ZNF331: variants seen among roughly 807,000 people sequenced by gnomAD.
ZNF331 encodes zinc finger protein 331, also known as C2H2-like zinc finger protein rearranged in thyroid adenomas.
A neutral mutation model predicts 7.0 loss-of-function variants in ZNF331; 2 were observed. That is an observed-to-expected ratio of 0.29 (90% CI 0.12 to 0.90). The LOEUF (loss-of-function observed/expected upper bound fraction) is 0.90. Ranked by LOEUF, ZNF331 falls within the 40% of genes least tolerant of loss-of-function variation. The pLI is 0.58. For synonymous variants in ZNF331, 196 were observed against 205.4 expected (o/e 0.95, Z 0.39); for missense variants, 432 against 587.7 (o/e 0.74, Z 2.74).
chr19:53,561,356 AT>A (rs2079147081), intron 3 of ZNF331, among the ~76,000 whole-genome samples: 1 of 148,388 alleles, frequency 6.7e-6, no homozygotes, highest in Non-Finnish European at 1.5e-5. Flanking sequence ...AAAAAAACAA[AT>A]TAGTCCCTGA....
chr19:53,570,926 C>T (rs1002019838), intron 4 of ZNF331, among the ~76,000 whole-genome samples: 16 of 150,962 alleles, frequency 1.1e-4, no homozygotes, highest in African/African-American at 2.9e-4. Context: ...CCACAATCTC[C>T]GCTCACTGCA....
At chr19:53,575,404 T>C (rs1390312539) in intron 5 of ZNF331, among the ~76,000 whole-genome samples, 1 of 152,106 alleles carries the variant, frequency 6.6e-6, no homozygotes, top group East Asian at 1.9e-4. Context: ...CTTTTCCTTA[T>C]TGTTCTTCTA....
At chr19:53,531,820 G>A (rs1424537172) in intron 2 of ZNF331, among the ~76,000 whole-genome samples, 5 of 152,082 alleles carry the variant, frequency 3.3e-5, no homozygotes, top group Non-Finnish European at 7.4e-5. Context: ...TTGATTTTGA[G>A]TATGAGTTCT....
chr19:53,504,913 T>A, the ZNF331 span, among the ~76,000 whole-genome samples: 2 of 152,080 alleles, frequency 1.3e-5, no homozygotes, highest in Non-Finnish European at 2.9e-5. Flanking sequence ...TGGAGTGAAA[T>A]GAGAGTAAAA....
At chr19:53,559,681 TACAC>T (rs1219815697) in intron 3 of ZNF331, among the ~76,000 whole-genome samples, 1 of 141,358 alleles carries the variant, frequency 7.1e-6, no homozygotes, top group Non-Finnish European at 1.5e-5. Context: ...ATAAAAACCA[TACAC>T]ACATATACAC....
chr19:53,530,095 C>G (rs2147261806), intron 2 of ZNF331, among the ~76,000 whole-genome samples: 1 of 152,270 alleles, frequency 6.6e-6, no homozygotes, highest in Non-Finnish European at 1.5e-5. Flanking sequence ...CTCCACTTTA[C>G]TTGGAAGGTG....
the ZNF331 span, among the ~76,000 whole-genome samples, chr19:53,504,905 G>A: frequency 6.6e-6 from 1 of 152,192 alleles, no homozygotes; most frequent in Non-Finnish European, 1.5e-5. Context: ...ACCCAAACTG[G>A]AGTGAAATGA....
At chr19:53,547,462 G>T (rs1482818997) in intron 2 of ZNF331, among the ~76,000 whole-genome samples, 3 of 152,106 alleles carry the variant, frequency 2.0e-5, no homozygotes, top group African/African-American at 7.2e-5. Context: ...CCTTATCTTG[G>T]CTACTGTGAA....
Position 53,558,672 on chromosome 19 carries a change from A to G in ZNF331, c.-74+2764A>G, listed in dbSNP as rs550542518. ...TGCTTTGGGCAGGTGAAAGGAGGGC[A>G]AGAGAAGATGAGAGAGAGATTCTGC... On this transcript the variant is annotated intron_variant, in intron 3 of 5. Transcript: ENST00000449416. The surrounding 1 kb of genome is among the most constrained non-coding windows in gnomAD (Gnocchi z 4.5). Among the ~76,000 whole-genome samples, 14 of 152,042 alleles carry G rather than the reference A, an allele frequency of 9.2e-5. No homozygotes were observed. The South Asian group carries it at 1.9e-3, about 20-fold the overall frequency.
chr19:53,515,210 C>A (rs1029234900), upstream of ZNF331, among the ~76,000 whole-genome samples: 2 of 152,142 alleles, frequency 1.3e-5, no homozygotes, highest in Admixed American at 6.6e-5. Context: ...CTGTTCAATG[C>A]ATTACTTAAA....
chr19:53,534,419 C>T (rs1002548130), upstream of ZNF331, among the ~76,000 whole-genome samples: 1 of 152,142 alleles, frequency 6.6e-6, no homozygotes, highest in Non-Finnish European at 1.5e-5. Context: ...TCCTGAGTAG[C>T]TGGGATTACA....
chr19:53,531,558 G>A (rs931445153), intron 2 of ZNF331, among the ~76,000 whole-genome samples: 1 of 152,190 alleles, frequency 6.6e-6, no homozygotes. Flanking sequence ...CCTATCTTTA[G>A]TCTTTTCCCT....
At chr19:53,544,278 G>C (rs1600291387) in intron 2 of ZNF331, among the ~76,000 whole-genome samples, 3 of 150,264 alleles carry the variant, frequency 2.0e-5, no homozygotes, top group East Asian at 2.0e-4. Context: ...GGGTGTGGTG[G>C]CTCATGCCTG....
upstream of ZNF331, among the ~76,000 whole-genome samples, chr19:53,514,652 CT>C (rs67056894): frequency 0.18 from 23,944 of 132,834 alleles, 2,041 homozygotes; most frequent in African/African-American, 0.3. Flanking sequence ...AAGCCTTCTC[CT>C]TTTTTTTTTT....
chr19:53,575,322 C>T (rs556744502), intron 5 of ZNF331, among the ~76,000 whole-genome samples: 6 of 152,090 alleles, frequency 3.9e-5, no homozygotes, highest in Non-Finnish European at 8.8e-5. Context: ...TCATTATGAA[C>T]TTATAGATTT....
intron 3 of ZNF331, among the ~76,000 whole-genome samples, chr19:53,557,824 T>TG (rs1177850594): frequency 6.6e-6 from 1 of 151,986 alleles, no homozygotes; most frequent in East Asian, 1.9e-4. Context: ...ATTAGCTGGG[T>TG]GTGGTGGCGC....
At chr19:53,515,696 T>A (rs2086889106), upstream of ZNF331, among the ~76,000 whole-genome samples, 2 of 152,086 alleles carry the variant, frequency 1.3e-5, no homozygotes, top group South Asian at 4.1e-4. Flanking sequence ...GGGGTTTCTC[T>A]GTGTTGGTCA....
chr19:53,547,725 T>C (rs1367059366), intron 2 of ZNF331, among the ~76,000 whole-genome samples: 5 of 152,190 alleles, frequency 3.3e-5, no homozygotes, highest in Admixed American at 1.3e-4. Context: ...TTCTTACATG[T>C]ATGAGGTGAT....
At chr19:53,520,391 T>C (rs1035057406), upstream of ZNF331, among the ~76,000 whole-genome samples, 1 of 152,154 alleles carries the variant, frequency 6.6e-6, no homozygotes, top group African/African-American at 2.4e-5. Context: ...GCCTTCCCTA[T>C]GGACGGATCC....
Sources: allele counts gnomAD v4.1 joint callset (sites outside exome capture counted in the v4.1 genomes callset), GRCh38; gene constraint gnomAD v4.1.1; non-coding constraint Gnocchi (gnomAD v3.1); transcripts MANE v1.5; gene names NCBI Gene and HGNC (gene_info 2026-07-23, HGNC 2026-07-21).